GPN3: variants seen among roughly 807,000 people sequenced by gnomAD.
GPN3 encodes the protein GPN-loop GTPase 3.
Under a neutral mutation model 38.7 loss-of-function variants are expected in GPN3, and 31 were observed. The observed-to-expected ratio is 0.80, with a 90% confidence interval of 0.60 to 1.08. The LOEUF (loss-of-function observed/expected upper bound fraction) is 1.08, where lower values mean the gene tolerates loss of function less well. Among genes scored for constraint, GPN3 ranks in the 50% least tolerant of loss-of-function variants. GPN3 has a pLI of 0.00. For synonymous variants in GPN3, 116 were observed against 120.2 expected (o/e 0.96, Z 0.23); for missense variants, 301 against 354.4 (o/e 0.85, Z 1.21).
chr12:110,455,180 G>A (rs1592960698), intron 6 of GPN3, among the ~76,000 whole-genome samples: 1 of 151,578 alleles, frequency 6.6e-6, no homozygotes, highest in East Asian at 1.9e-4. Context: ...CTGGACTGCA[G>A]TGGCATGATC....
chr12:110,463,273 T>C (rs1054804595), intron 2 of GPN3, among the ~76,000 whole-genome samples: 1 of 150,774 alleles, frequency 6.6e-6, no homozygotes, highest in Non-Finnish European at 1.5e-5. Context: ...CTGGGCAACA[T>C]GGAGAAACCC....
intron 2 of GPN3, chr12:110,460,982 A>C (rs546708107): frequency 7.3e-7 from 1 of 1,362,368 alleles, no homozygotes; most frequent in Admixed American, 1.7e-5. Flanking sequence ...ACTTGGACCC[A>C]GCAGAATGGC....
chr12:110,467,029 C>A (rs1024760143), intron 1 of GPN3, among the ~76,000 whole-genome samples: 9 of 151,972 alleles, frequency 5.9e-5, no homozygotes, highest in Non-Finnish European at 1.3e-4. Flanking sequence ...ACCTCTGTCA[C>A]CCAGGCTGGA....
chr12:110,457,788 G>A (rs1047984159), intron 3 of GPN3, among the ~76,000 whole-genome samples, 154 bp from the exon 4 acceptor site: 1 of 152,074 alleles, frequency 6.6e-6, no homozygotes, highest in African/African-American at 2.4e-5. Context: ...AAAACCTAAG[G>A]TACTGCCACC....
At chr12:110,466,996 TTC>T (rs2062634863) in intron 1 of GPN3, among the ~76,000 whole-genome samples, 1 of 151,746 alleles carries the variant, frequency 6.6e-6, no homozygotes, top group Admixed American at 6.6e-5. Flanking sequence ...TCCACACTTC[TTC>T]TTTTTTTTTT....
rs2062521219 is a variant in GPN3 at position 110,452,773 on chromosome 12, A to C, written c.*261T>G. 2.9e-5 allele frequency: 11 copies of C among 377,556 alleles called. No homozygotes were observed. Among genetic ancestry groups the C allele is most frequent in the South Asian group, 2.9e-4 (11 of 38,182 alleles). 23.4% of individuals were successfully genotyped at this position (377,556 alleles called of 1,614,324 possible). A position where few individuals can be genotyped will look rare whatever the true frequency, so the allele number is the denominator to read the frequency against. ...TTAACCTTAGCTCAGGTGCTAATTT[A>C]TATATAAATCTATGTGCATTCATTT... On this transcript the variant is annotated 3_prime_UTR_variant, in exon 8 of 8. Coordinates refer to ENST00000228827, the MANE Select transcript of GPN3 (RefSeq NM_016301.4).
intron 2 of GPN3, chr12:110,461,425 A>C: frequency 1.7e-6 from 1 of 589,218 alleles, no homozygotes; most frequent in Non-Finnish European, 3.0e-6. Flanking sequence ...CTCCATCTCA[A>C]ACAAAAACAA....
At chr12:110,456,028 G>A (rs1399256654) in intron 4 of GPN3, 98 bp from the exon 5 acceptor site, 2 of 685,814 alleles carry the variant, frequency 2.9e-6, no homozygotes, top group Non-Finnish European at 5.1e-6. Context: ...AACAGAACTG[G>A]CCTAAATAAA....
rs2062531493 is a variant in GPN3, at chr12:110,453,838, A to G, written c.697T>C (p.Tyr233His). Reference protein sequence around the residue: ...DDYSMVRFLPYDQSDEESMNI... With the variant: ...DDYSMVRFLPHDQSDEESMNI... ...ATGCTTTCTTCATCTGACTGATCGT[A>G]AGGTAAAAATCGAACCATGCTGTAG... Residue 233 changes from tyrosine (Y) to histidine (H), a missense_variant, in exon 7 of 8, where the codon TAC becomes CAC. By Grantham distance (83) the Tyr-to-His change is moderately conservative. Coordinates refer to ENST00000228827, the MANE Select transcript of GPN3 (RefSeq NM_016301.4). 5.0e-6 allele frequency: 8 copies of G among 1,605,252 alleles called. No homozygotes were observed. The highest frequency in any genetic ancestry group is 6.8e-6 in the Non-Finnish European group (8 of 1,171,926).
chr12:110,455,104 G>A (rs544332789), intron 6 of GPN3, among the ~76,000 whole-genome samples: 10 of 151,746 alleles, frequency 6.6e-5, no homozygotes, highest in Admixed American at 1.3e-4. Context: ...GATTACAGGC[G>A]TAAGTCACCG....
Position 110,459,877 on chromosome 12 carries a change from T to C in GPN3, c.158-15A>G, listed in dbSNP as rs116243434. ...TTCCCGGATGTCTGAAAAGGACAGATAGGGCCCAGAATATATGTGTCCCTT... is the reference window on the plus strand; with the variant it reads ...TTCCCGGATGTCTGAAAAGGACAGACAGGGCCCAGAATATATGTGTCCCTT... On this transcript the variant is annotated splice_polypyrimidine_tract_variant and intron_variant, in intron 2 of 7. Coordinates refer to ENST00000228827, the MANE Select transcript of GPN3 (RefSeq NM_016301.4). 2.0e-3 allele frequency: 3,142 copies of C among 1,609,636 alleles called. 71 individuals are homozygous for C. The African/African-American group carries it at 0.038, about 20-fold the overall frequency.
At chr12:110,463,862 G>A (rs1418480950) in intron 2 of GPN3, among the ~76,000 whole-genome samples, 1 of 151,300 alleles carries the variant, frequency 6.6e-6, no homozygotes, top group Non-Finnish European at 1.5e-5. Flanking sequence ...GCACCCCACT[G>A]ACAACAGGAT....
chr12:110,461,350 G>T, intron 2 of GPN3: 3 of 661,112 alleles, frequency 4.5e-6, no homozygotes, highest in Non-Finnish European at 5.4e-6. Context: ...AGACAATGTC[G>T]ATGAGAACTA....
At position 110,459,715 on chromosome 12, in the gene GPN3, T is replaced by G; in HGVS notation, c.305A>C (p.Tyr102Ser). The G allele has an allele frequency of 6.2e-7, 1 of 1,612,232 alleles. No individual in the cohort carries two copies. Residue 102 changes from tyrosine (Y) to serine (S), a missense_variant, in exon 3 of 8, where the codon TAT becomes TCT. Coordinates refer to ENST00000228827, the MANE Select transcript of GPN3 (RefSeq NM_016301.4). ...ENCLGHVEDD[Y>S]ILFDCPGQIE... ...TTCACCTGGACAATCAAAAAGGATA[T>G]AGTCGTCCTCTACATGGCCAAGACA...
rs1319274794 is a variant in GPN3 at position 110,458,568 on chromosome 12, G to C, written c.326-934C>G. Among the ~76,000 whole-genome samples the C allele has an allele frequency of 6.6e-6, 1 of 152,056 alleles. No homozygotes were observed. The highest frequency in any genetic ancestry group is 1.5e-5 in the Non-Finnish European group (1 of 68,010). ...GGCCGAGGCAGGTGAATCACCTAAGGTCCAGAGTTTGAGACCAGCCTGGCC... is the reference window on the plus strand; with the variant it reads ...GGCCGAGGCAGGTGAATCACCTAAGCTCCAGAGTTTGAGACCAGCCTGGCC... On this transcript the variant is annotated intron_variant, in intron 3 of 7. Transcript: ENST00000228827. The surrounding 1 kb of genome is among the most constrained non-coding windows in gnomAD (Gnocchi z 4.4).
In GPN3 at chr12:110,452,564, T is replaced by C. The variant is rs926232751; in HGVS notation, c.*470A>G. 3 of 160,028 alleles carry C rather than the reference T, an allele frequency of 1.9e-5. No individual in the cohort carries two copies. The highest frequency in any genetic ancestry group is 7.2e-5 in the African/African-American group (3 of 41,490). 9.9% of individuals were successfully genotyped at this position (160,028 alleles called of 1,614,324 possible). A position where few individuals can be genotyped will look rare whatever the true frequency, so the allele number is the denominator to read the frequency against. On this transcript the variant is annotated 3_prime_UTR_variant, in exon 8 of 8. Coordinates refer to ENST00000228827, the MANE Select transcript of GPN3 (RefSeq NM_016301.4). Reference sequence around the variant, plus strand: ...ACACATACATATCTCAAAACATAGTTATTTTTACTTTTTAAGTTATATAAA... The same window carrying C: ...ACACATACATATCTCAAAACATAGTCATTTTTACTTTTTAAGTTATATAAA...
chr12:110,458,728 C>T lies in GPN3; in HGVS notation c.325+967G>A, dbSNP rs770048350. ...CCAGGAAGTGGAGACTGGAGTGAGC[C>T]GAGATGGCGCCATCATACTCCAGCC... On this transcript the variant is annotated intron_variant, in intron 3 of 7. Coordinates refer to ENST00000228827, the MANE Select transcript of GPN3 (RefSeq NM_016301.4). This position sits in a 1 kb window ranked among gnomAD's most constrained non-coding sequence, Gnocchi z 4.4. Among the ~76,000 whole-genome samples, 3 of 150,846 alleles carry T rather than the reference C, an allele frequency of 2.0e-5. No individual in the cohort carries two copies. Among genetic ancestry groups the T allele is most frequent in the African/African-American group, 7.3e-5 (3 of 40,890 alleles).
chr12:110,453,918 A>C, intron 6 of GPN3, 47 bp from the exon 7 acceptor site: 1 of 1,477,294 alleles, frequency 6.8e-7, no homozygotes, highest in Non-Finnish European at 9.3e-7. Flanking sequence ...AGTTGTGCAA[A>C]ATACATAATT....
chr12:110,456,213 C>A (rs1305052587), intron 4 of GPN3, among the ~76,000 whole-genome samples: 3 of 151,636 alleles, frequency 2.0e-5, no homozygotes, highest in South Asian at 4.2e-4. Flanking sequence ...CCTGTAATCC[C>A]AGCTACTCAA....
Sources: allele counts gnomAD v4.1 joint callset (sites outside exome capture counted in the v4.1 genomes callset), GRCh38; gene constraint gnomAD v4.1.1; non-coding constraint Gnocchi (gnomAD v3.1); transcripts MANE v1.5; gene names NCBI Gene and HGNC (gene_info 2026-07-23, HGNC 2026-07-21).